ANKRD31: variants seen among roughly 807,000 people sequenced by gnomAD.
The protein encoded by ANKRD31 is ankyrin repeat domain 31, also known as ankyrin repeat domain-containing protein 31.
A neutral mutation model predicts 186.0 loss-of-function variants in ANKRD31; 147 were observed. That is an observed-to-expected ratio of 0.79 (90% CI 0.69 to 0.91). ANKRD31 has a LOEUF of 0.91. Among genes scored for constraint, ANKRD31 ranks in the 40% least tolerant of loss-of-function variants. The pLI, the probability that ANKRD31 is intolerant of heterozygous loss-of-function variation, is 0.00. For synonymous variants in ANKRD31, 673 were observed against 736.4 expected, an observed-to-expected ratio of 0.91 and a Z score of 1.39; for missense variants, 1,986 against 2,148.8, an observed-to-expected ratio of 0.92 and a Z score of 1.50.
chr5:75,074,138 C>A lies in ANKRD31; in HGVS notation c.5648-5474G>T, dbSNP rs368162070. Among the ~76,000 whole-genome samples the A allele has an allele frequency of 2.5e-4, 38 of 152,226 alleles. 1 individual carries two copies. The South Asian group carries it at 7.9e-3, about 32-fold the overall frequency. ...TTACAAGTGGCTGGCTCCTCAGTAG[C>A]AGAAGGCGGCACTTCCAGGGTAAAC... On this transcript the variant is annotated intron_variant, in intron 25 of 25. Coordinates refer to ENST00000506364, the MANE Select transcript of ANKRD31 (RefSeq NM_001372053.1).
intron 9 of ANKRD31, among the ~76,000 whole-genome samples, chr5:75,190,607 A>G (rs78778142): frequency 8.1e-5 from 12 of 147,822 alleles, no homozygotes; most frequent in East Asian, 4.0e-4. Context: ...GTGCTTATAT[A>G]TGTGTGTGTG....
chr5:75,077,054 G>A (rs1483870210), intron 25 of ANKRD31, among the ~76,000 whole-genome samples: 1 of 152,070 alleles, frequency 6.6e-6, no homozygotes, highest in South Asian at 2.1e-4. Context: ...TATGGTGATG[G>A]AGTATTACAT....
intron 17 of ANKRD31, among the ~76,000 whole-genome samples, chr5:75,124,134 T>C (rs1033317906): frequency 6.6e-6 from 1 of 152,016 alleles, no homozygotes; most frequent in Admixed American, 6.6e-5. Flanking sequence ...AGGACATGAA[T>C]AGACATTTCT....
At chr5:75,091,984 C>T (rs2150032695) in intron 22 of ANKRD31, among the ~76,000 whole-genome samples, 1 of 152,230 alleles carries the variant, frequency 6.6e-6, no homozygotes, top group East Asian at 1.9e-4. Flanking sequence ...ACACATGAAG[C>T]TACTGCCTCC....
At chr5:75,215,091 G>A (rs1756885420) in intron 3 of ANKRD31, among the ~76,000 whole-genome samples, 1 of 152,170 alleles carries the variant, frequency 6.6e-6, no homozygotes, top group Non-Finnish European at 1.5e-5. Flanking sequence ...AACCAGAACA[G>A]GCAATAGTAC....
chr5:75,197,536 T>G (rs1465443274), intron 6 of ANKRD31, among the ~76,000 whole-genome samples: 1 of 152,200 alleles, frequency 6.6e-6, no homozygotes, highest in African/African-American at 2.4e-5. Context: ...TATATATTAA[T>G]AGCATACAGC....
chr5:75,130,306 A>C (rs888545591), intron 17 of ANKRD31, among the ~76,000 whole-genome samples: 7 of 152,354 alleles, frequency 4.6e-5, no homozygotes, highest in Admixed American at 3.3e-4. Flanking sequence ...AAGAGTGAGC[A>C]GCAGCAAAAT....
chr5:75,093,234 A>C (rs940130315), intron 22 of ANKRD31, among the ~76,000 whole-genome samples: 5 of 152,180 alleles, frequency 3.3e-5, no homozygotes, highest in Admixed American at 6.5e-5. Flanking sequence ...CAATTCCAGC[A>C]CTTAGGGAGG....
chr5:75,184,556 T>A (rs754172217), intron 10 of ANKRD31, among the ~76,000 whole-genome samples: 22 of 151,362 alleles, frequency 1.5e-4, no homozygotes, highest in Non-Finnish European at 2.7e-4. Flanking sequence ...AGCCAAAAAA[T>A]AATAATAATA....
In ANKRD31 at chr5:75,148,566, A is replaced by G. The variant is rs746265455; in HGVS notation, c.1905+10T>C. ...CCTATAAAAATGTTTATTACTAAAC[A>G]TAGATATACCTTGTGTTGGTACACA... On this transcript the variant is annotated intron_variant, in intron 13 of 25. Transcript: ENST00000506364. 6.7e-7 allele frequency: 1 copy of G among 1,499,472 alleles called. No individual in the cohort carries two copies. Among genetic ancestry groups the G allele is most frequent in the Non-Finnish European group, 8.9e-7 (1 of 1,123,796 alleles). 92.9% of individuals were successfully genotyped at this position (1,499,472 alleles called of 1,614,324 possible).
intron 1 of ANKRD31, among the ~76,000 whole-genome samples, chr5:75,232,216 G>C (rs1757993866): frequency 6.6e-6 from 1 of 152,070 alleles, no homozygotes; most frequent in African/African-American, 2.4e-5. Flanking sequence ...ATCTATTAAT[G>C]TCCCTAAAAG....
At chr5:75,085,134 A>G (rs55810502) in intron 23 of ANKRD31, among the ~76,000 whole-genome samples, 42,254 of 151,906 alleles carry the variant, frequency 0.28, 7,227 homozygotes, top group African/African-American at 0.49. Flanking sequence ...GCCTCCCTAT[A>G]ACCTCTAGTT....
Position 75,104,225 on chromosome 5 carries a change from T to A in ANKRD31, c.5331+3A>T. 1 of 1,486,188 alleles carries A rather than the reference T, an allele frequency of 6.7e-7. No individual in the cohort carries two copies. The highest frequency in any genetic ancestry group is 8.9e-7 in the Non-Finnish European group (1 of 1,122,042). 92.1% of individuals were successfully genotyped at this position (1,486,188 alleles called of 1,614,324 possible). On this transcript the variant is annotated splice_donor_region_variant and intron_variant, in intron 22 of 25. Transcript: ENST00000506364. ...TGATTTTAGAGAAAAAAATATAGAATACCTGTGTTTTGAATTCCAGAATGT... is the reference window on the plus strand; with the variant it reads ...TGATTTTAGAGAAAAAAATATAGAAAACCTGTGTTTTGAATTCCAGAATGT...
intron 10 of ANKRD31, among the ~76,000 whole-genome samples, chr5:75,175,405 T>G (rs1194687608): frequency 6.6e-6 from 1 of 152,066 alleles, no homozygotes; most frequent in Admixed American, 6.6e-5. Context: ...CTCCTCAATC[T>G]GATAAAGAGC....
At chr5:75,200,581 A>C (rs1755758157) in intron 5 of ANKRD31, among the ~76,000 whole-genome samples, 2 of 149,064 alleles carry the variant, frequency 1.3e-5, no homozygotes, top group African/African-American at 2.5e-5. Context: ...TACAGGTGTG[A>C]GCCACCACAC....
At chr5:75,096,712 G>A (rs144431515) in intron 22 of ANKRD31, among the ~76,000 whole-genome samples, 1,603 of 151,720 alleles carry the variant, frequency 0.011, 34 homozygotes, top group African/African-American at 0.036. Flanking sequence ...TGTGCACAAC[G>A]TGCAGTTTCG....
At chr5:75,148,924 A>G (rs1210967091) in intron 12 of ANKRD31, among the ~76,000 whole-genome samples, 1 of 151,846 alleles carries the variant, frequency 6.6e-6, no homozygotes, top group Non-Finnish European at 1.5e-5. Context: ...ATATATCCAG[A>G]TATGACCTTT....
intron 17 of ANKRD31, among the ~76,000 whole-genome samples, chr5:75,133,340 A>C (rs7719663): frequency 0.5 from 76,618 of 151,858 alleles, 22,263 homozygotes; most frequent in African/African-American, 0.81. Context: ...TGGAAAACAA[A>C]AAAAAAAACA....
At chr5:75,123,810 G>A (rs1052121874) in intron 17 of ANKRD31, among the ~76,000 whole-genome samples, 1 of 151,956 alleles carries the variant, frequency 6.6e-6, no homozygotes, top group African/African-American at 2.4e-5. Context: ...TTAAATTTGT[G>A]ATCTGAAACT....
Sources: allele counts gnomAD v4.1 joint callset (sites outside exome capture counted in the v4.1 genomes callset), GRCh38; gene constraint gnomAD v4.1.1; transcripts MANE v1.5; gene names NCBI Gene and HGNC (gene_info 2026-07-23, HGNC 2026-07-21).